The following ZNF521 variants were observed in gnomAD, a reference collection of about 807,000 sequenced individuals.
ZNF521 encodes the protein zinc finger protein 521.
A neutral mutation model predicts 105.5 loss-of-function variants in ZNF521; 14 were observed. The observed-to-expected ratio is 0.13, with a 90% confidence interval of 0.09 to 0.21. ZNF521 has a LOEUF of 0.21. ZNF521 is among the 10% of genes least tolerant of loss of function. The pLI, the probability that ZNF521 is intolerant of heterozygous loss-of-function variation, is 1.00. For synonymous variants in ZNF521, 635 were observed against 606.0 expected, an observed-to-expected ratio of 1.05 and a Z score of -0.70; for missense variants, 1,233 against 1,629.7, an observed-to-expected ratio of 0.76 and a Z score of 4.19.
At chr18:25,259,151 A>G (rs1908731236) in intron 3 of ZNF521, among the ~76,000 whole-genome samples, 1 of 152,174 alleles carries the variant, frequency 6.6e-6, no homozygotes, top group South Asian at 2.1e-4. Flanking sequence ...GAAAGTTTAC[A>G]CCAAAAAGAG....
intron 5 of ZNF521, among the ~76,000 whole-genome samples, chr18:25,180,303 C>T (rs1023499058): frequency 3.3e-5 from 5 of 152,162 alleles, no homozygotes; most frequent in African/African-American, 1.2e-4. Flanking sequence ...CAATATTATA[C>T]ATACTATTCC....
intron 7 of ZNF521, among the ~76,000 whole-genome samples, chr18:25,063,192 G>C (rs1187656136): frequency 6.6e-6 from 1 of 152,202 alleles, no homozygotes; most frequent in Non-Finnish European, 1.5e-5. Context: ...ATCTGTGCGT[G>C]ATTTCCATTG....
At chr18:25,346,884 G>A (rs2145225683) in intron 2 of ZNF521, among the ~76,000 whole-genome samples, 1 of 152,128 alleles carries the variant, frequency 6.6e-6, no homozygotes, top group Middle Eastern at 3.4e-3. Context: ...CCATCTAAAT[G>A]ACTAAGTGCT....
chr18:25,067,498 A>G (rs2144108661), intron 7 of ZNF521, among the ~76,000 whole-genome samples: 1 of 152,336 alleles, frequency 6.6e-6, no homozygotes. Flanking sequence ...TGATTAATTC[A>G]GCCTCCTTTT....
chr18:25,071,647 A>AT (rs1431219134), intron 7 of ZNF521, among the ~76,000 whole-genome samples: 2 of 152,186 alleles, frequency 1.3e-5, no homozygotes, highest in Non-Finnish European at 2.9e-5. Context: ...GGGGTGGTAC[A>AT]TAGCAGCATC....
chr18:25,268,867 T>C (rs1909446877), intron 3 of ZNF521, among the ~76,000 whole-genome samples: 1 of 152,078 alleles, frequency 6.6e-6, no homozygotes, highest in Non-Finnish European at 1.5e-5. Flanking sequence ...AGAAATTGCA[T>C]CAATTAACAG....
intron 3 of ZNF521, among the ~76,000 whole-genome samples, chr18:25,288,943 T>A (rs1341134623): frequency 6.6e-6 from 1 of 152,232 alleles, no homozygotes; most frequent in Admixed American, 6.5e-5. Context: ...AATAAATATG[T>A]TTTCTAAAAC....
intron 5 of ZNF521, among the ~76,000 whole-genome samples, chr18:25,120,151 T>C (rs2034405196): frequency 1.3e-5 from 2 of 152,222 alleles, no homozygotes; most frequent in African/African-American, 4.8e-5. Flanking sequence ...GTAGACACAA[T>C]TCCAGATCAG....
chr18:25,185,731 T>TA lies in ZNF521; in HGVS notation c.3658+9428dup, dbSNP rs538373241. On this transcript the variant is annotated intron_variant, in intron 5 of 7. Coordinates refer to ENST00000361524, the MANE Select transcript of ZNF521 (RefSeq NM_015461.3). ...GATTGTTCAAAAGTGAATTGACCTG[T>TA]AAAAAAAATAAATAAATAAACAGAG... 3.4e-3 allele frequency among the ~76,000 whole-genome samples: 510 copies of TA among 151,946 alleles called. 3 individuals carry two copies. Among genetic ancestry groups the TA allele is most frequent in the African/African-American group, 0.012 (480 of 41,430 alleles).
At chr18:25,257,836 A>T (rs933034067) in intron 3 of ZNF521, among the ~76,000 whole-genome samples, 1 of 152,180 alleles carries the variant, frequency 6.6e-6, no homozygotes, top group Non-Finnish European at 1.5e-5. Context: ...ATATCCCATT[A>T]TAACGGGTGA....
intron 5 of ZNF521, among the ~76,000 whole-genome samples, chr18:25,113,988 C>G (rs1340973705): frequency 1.8e-5 from 2 of 112,020 alleles, no homozygotes; most frequent in African/African-American, 3.6e-5. Flanking sequence ...AATAAAAAAG[C>G]CTTTTTTTTT....
intron 5 of ZNF521, among the ~76,000 whole-genome samples, chr18:25,115,026 T>C (rs190244176): frequency 3.3e-5 from 5 of 152,346 alleles, no homozygotes; most frequent in Admixed American, 3.3e-4. Flanking sequence ...AATGGTGTCC[T>C]ATTAACACAC....
At chr18:25,207,497 A>C (rs1196795212) in intron 4 of ZNF521, among the ~76,000 whole-genome samples, 1 of 152,144 alleles carries the variant, frequency 6.6e-6, no homozygotes, top group Admixed American at 6.5e-5. Flanking sequence ...TTCCCAGTGT[A>C]CACTTTCAGC....
intron 5 of ZNF521, among the ~76,000 whole-genome samples, chr18:25,116,887 ACG>A (rs1491393595): frequency 4.5e-5 from 2 of 44,860 alleles, no homozygotes; most frequent in South Asian, 5.7e-4. Flanking sequence ...ATATATATAT[ACG>A]TATATATATA....
chr18:25,212,510 A>AAAAC (rs1491280859), intron 4 of ZNF521, among the ~76,000 whole-genome samples: 11 of 37,822 alleles, frequency 2.9e-4, no homozygotes, highest in African/African-American at 1.6e-3. Flanking sequence ...ACTTAGTCTC[A>AAAAC]AAAAAAAAAA....
intron 5 of ZNF521, among the ~76,000 whole-genome samples, chr18:25,152,547 C>T (rs1217782343): frequency 6.6e-6 from 1 of 151,856 alleles, no homozygotes; most frequent in African/African-American, 2.4e-5. Flanking sequence ...AACTAAATGC[C>T]CCTCCCTAAG....
At chr18:25,179,755 T>C (rs567298875) in intron 5 of ZNF521, among the ~76,000 whole-genome samples, 1 of 152,306 alleles carries the variant, frequency 6.6e-6, no homozygotes, top group South Asian at 2.1e-4. Context: ...CCCTAAGCTG[T>C]TGGAAACACG....
intron 5 of ZNF521, among the ~76,000 whole-genome samples, chr18:25,127,982 C>G (rs1224825699): frequency 6.6e-6 from 1 of 151,722 alleles, no homozygotes; most frequent in Admixed American, 6.6e-5. Flanking sequence ...ATGATGCCAG[C>G]CTTTACCTAA....
intron 4 of ZNF521, among the ~76,000 whole-genome samples, chr18:25,220,917 T>C (rs905109564): frequency 2.6e-5 from 4 of 152,156 alleles, no homozygotes; most frequent in Non-Finnish European, 5.9e-5. Flanking sequence ...ATTCAACGTA[T>C]AGTAAATGTC....
Sources: allele counts gnomAD v4.1 joint callset (sites outside exome capture counted in the v4.1 genomes callset), GRCh38; gene constraint gnomAD v4.1.1; transcripts MANE v1.5; gene names NCBI Gene and HGNC (gene_info 2026-07-23, HGNC 2026-07-21).